AKAP6: variants seen among roughly 807,000 people sequenced by gnomAD.
AKAP6 encodes A-kinase anchoring protein 6.
AKAP6 carries 58 observed loss-of-function variants against 188.5 expected under a neutral mutation model. That is an observed-to-expected ratio of 0.31 (90% CI 0.25 to 0.38). The LOEUF (loss-of-function observed/expected upper bound fraction) is 0.38, where lower values mean the gene tolerates loss of function less well. AKAP6 is among the 10% of genes least tolerant of loss of function. The probability of loss-of-function intolerance (pLI) is 1.00; values close to 1 mark genes in which losing one functional copy is unlikely to be tolerated. For synonymous variants in AKAP6, 989 were observed against 998.6 expected, an observed-to-expected ratio of 0.99 and a Z score of 0.18; for missense variants, 2,710 against 2,740.0, an observed-to-expected ratio of 0.99 and a Z score of 0.24.
chr14:32,426,900 T>C (rs1462147551), intron 1 of AKAP6, among the ~76,000 whole-genome samples: 1 of 152,096 alleles, frequency 6.6e-6, no homozygotes, highest in East Asian at 1.9e-4. Context: ...ATTAAGTGTG[T>C]TATGGTTGAC....
chr14:32,415,763 T>C (rs1317284007), intron 1 of AKAP6, among the ~76,000 whole-genome samples: 1 of 152,200 alleles, frequency 6.6e-6, no homozygotes, highest in Non-Finnish European at 1.5e-5. Flanking sequence ...TCTAAGTACC[T>C]CATATCAGTG....
chr14:32,691,749 G>A (rs1461036293), intron 8 of AKAP6, among the ~76,000 whole-genome samples: 1 of 152,008 alleles, frequency 6.6e-6, no homozygotes, highest in African/African-American at 2.4e-5. Flanking sequence ...AATAGAGACG[G>A]GGTTTCACCA....
Position 32,732,598 on chromosome 14 carries a change from G to T in AKAP6, c.3145G>T (p.Gly1049Trp). 1 of 1,613,260 alleles carries T rather than the reference G, an allele frequency of 6.2e-7. No homozygotes were observed. Residue 1049 changes from glycine (G) to tryptophan (W), a missense_variant and splice_region_variant, in exon 10 of 14, where the codon GGG becomes TGG. By Grantham distance (184) the Gly-to-Trp change is radical. This residue lies in a region of AKAP6 where 2,473 missense variants were observed against 2,426.1 expected (regional missense o/e 1.02). Transcript: ENST00000280979. ...AATTAATGAAAAATGGGAACTGCTTGGGGTATTTGCATTTTTATTACTGTT... is the reference window on the plus strand; with the variant it reads ...AATTAATGAAAAATGGGAACTGCTTTGGGTATTTGCATTTTTATTACTGTT... The part of the protein sequence containing the change: ...DSINEKWELL[G>W]KTLGEKIQDT...
chr14:32,548,389 A>G (rs968231545), intron 4 of AKAP6, among the ~76,000 whole-genome samples: 3 of 150,896 alleles, frequency 2.0e-5, no homozygotes, highest in African/African-American at 7.3e-5. Flanking sequence ...GGCGTGAGCC[A>G]CTGTGCGTGG....
intron 11 of AKAP6, among the ~76,000 whole-genome samples, chr14:32,744,072 T>C (rs549765135): frequency 1.0e-3 from 159 of 152,264 alleles, no homozygotes; most frequent in African/African-American, 3.7e-3. Context: ...TTAAAAAGTT[T>C]TTTTCCTTCA....
Position 32,835,905 on chromosome 14 carries a change from T to C in AKAP6, c.*6100T>C, listed in dbSNP as rs2034870392. The C allele has an allele frequency of 6.6e-6, 1 of 152,170 alleles. No individual in the cohort carries two copies. The allele number at this position is 152,170 out of a possible 1,614,324, so 9.4% of individuals were successfully genotyped here. On this transcript the variant is annotated 3_prime_UTR_variant, in exon 14 of 14. Coordinates refer to ENST00000280979, the MANE Select transcript of AKAP6 (RefSeq NM_004274.5). ...CCTTTAGTTTGAGAGTTGCCACATA[T>C]TTGCATTTCCAGAGTAAAATAATAG...
rs142696475 is a variant in AKAP6 at position 32,621,664 on chromosome 14, G to C, written c.2730+20872G>C. Among the ~76,000 whole-genome samples, 603 of 152,204 alleles carry C rather than the reference G, an allele frequency of 4.0e-3. 1 individual carries two copies. The highest frequency in any genetic ancestry group is 0.014 in the African/African-American group (583 of 41,556). On this transcript the variant is annotated intron_variant, in intron 7 of 13. Transcript: ENST00000280979. ...ATATTATACAGTTCTTAGGTAGAAT[G>C]TTCTGTAAATATCTGTTAGGTCTAT... is the stretch of plus-strand genomic sequence containing the variant.
chr14:32,754,251 A>G (rs1288766238), intron 11 of AKAP6, among the ~76,000 whole-genome samples: 5 of 152,092 alleles, frequency 3.3e-5, no homozygotes. Flanking sequence ...ATCATTATAA[A>G]ATGACCATCT....
rs554574689 is a variant in AKAP6, at chr14:32,589,573, T to C, written c.2470-9837T>C. Among the ~76,000 whole-genome samples the C allele has an allele frequency of 4.6e-5, 7 of 152,304 alleles. No individual in the cohort carries two copies. In the East Asian group the frequency reaches 1.4e-3, roughly 29 times the overall value. ...GAAGACAAATAGTGTTAGCTTCCCT[T>C]TTCAGTTAAATAGGATTCCTGCACT... is the stretch of plus-strand genomic sequence containing the variant. On this transcript the variant is annotated intron_variant, in intron 5 of 13. Transcript: ENST00000280979.
intron 12 of AKAP6, among the ~76,000 whole-genome samples, chr14:32,794,499 G>A (rs1441101812): frequency 6.6e-6 from 1 of 152,162 alleles, no homozygotes; most frequent in Non-Finnish European, 1.5e-5. Flanking sequence ...GGCAGATATT[G>A]CAGTGAGCTG....
chr14:32,545,133 A>T (rs1883136390), intron 3 of AKAP6, 97 bp from the exon 4 acceptor site: 1 of 1,148,102 alleles, frequency 8.7e-7, no homozygotes, highest in South Asian at 1.5e-5. Context: ...AATACATTTG[A>T]CCTTTATAGT....
intron 2 of AKAP6, among the ~76,000 whole-genome samples, chr14:32,521,835 C>T (rs1566553288): frequency 6.6e-6 from 1 of 152,172 alleles, no homozygotes; most frequent in East Asian, 1.9e-4. Flanking sequence ...TGGAAAAAAA[C>T]TACTTTAAAG....
intron 1 of AKAP6, among the ~76,000 whole-genome samples, chr14:32,409,064 G>A (rs927272941): frequency 1.3e-5 from 2 of 152,084 alleles, no homozygotes; most frequent in African/African-American, 4.8e-5. Flanking sequence ...GCCAGGCATG[G>A]TGGCATACGC....
chr14:32,412,563 A>G (rs1209195190), intron 1 of AKAP6, among the ~76,000 whole-genome samples: 3 of 152,252 alleles, frequency 2.0e-5, no homozygotes, highest in Admixed American at 6.5e-5. Context: ...TAATGCAGGC[A>G]TTATGCATTC....
intron 2 of AKAP6, among the ~76,000 whole-genome samples, chr14:32,501,501 C>T (rs1880607681): frequency 6.6e-6 from 1 of 152,104 alleles, no homozygotes; most frequent in South Asian, 2.1e-4. Context: ...TTCCATTGGC[C>T]AGTATTTAGT....
intron 13 of AKAP6, among the ~76,000 whole-genome samples, chr14:32,826,796 A>T (rs922662557): frequency 6.6e-6 from 1 of 152,204 alleles, no homozygotes; most frequent in Non-Finnish European, 1.5e-5. Flanking sequence ...TTTTACAAGC[A>T]GGGACAATGT....
At chr14:32,821,284 C>A in intron 12 of AKAP6, 118 bp from the exon 13 acceptor site, 1 of 1,113,132 alleles carries the variant, frequency 9.0e-7, no homozygotes, top group Non-Finnish European at 1.3e-6. Context: ...GGCCGTCTTT[C>A]AAGTCCATGC....
chr14:32,758,174 T>C (rs922415259), intron 11 of AKAP6, among the ~76,000 whole-genome samples: 1 of 152,120 alleles, frequency 6.6e-6, no homozygotes, highest in African/African-American at 2.4e-5. Flanking sequence ...TCCTCACCAA[T>C]TGATACCTGA....
At chr14:32,586,822 A>G (rs776541157) in intron 5 of AKAP6, among the ~76,000 whole-genome samples, 18 of 152,204 alleles carry the variant, frequency 1.2e-4, no homozygotes, top group Non-Finnish European at 2.4e-4. Flanking sequence ...GTCTTTTTCT[A>G]TTACAAATGA....
Sources: allele counts gnomAD v4.1 joint callset (sites outside exome capture counted in the v4.1 genomes callset), GRCh38; gene constraint gnomAD v4.1.1; regional missense constraint gnomAD v4.1.1; transcripts MANE v1.5; gene names NCBI Gene and HGNC (gene_info 2026-07-23, HGNC 2026-07-21).